The following RGL1 variants were observed in gnomAD, a reference collection of about 807,000 sequenced individuals.
RGL1 encodes ral guanine nucleotide dissociation stimulator like 1.
RGL1 carries 24 observed loss-of-function variants against 95.2 expected under a neutral mutation model. That is an observed-to-expected ratio of 0.25 (90% CI 0.18 to 0.35). The LOEUF (loss-of-function observed/expected upper bound fraction) is 0.35, where lower values mean the gene tolerates loss of function less well. Among genes scored for constraint, RGL1 ranks in the 10% least tolerant of loss-of-function variants. The pLI is 1.00. For missense variants in RGL1, 715 were observed against 936.3 expected (o/e 0.76, Z 3.08); for synonymous variants, 329 against 344.9 (o/e 0.95, Z 0.51).
At chr1:183,802,613 A>AAC (rs1178764303), upstream of RGL1, among the ~76,000 whole-genome samples, 1 of 149,872 alleles carries the variant, frequency 6.7e-6, no homozygotes, top group East Asian at 1.9e-4. Flanking sequence ...AAAAAAAAAA[A>AAC]AAAAAAAACC....
rs1272730588 is a variant in RGL1 at position 183,795,078 on chromosome 1, A to G, written c.133-11297A>G. Among the ~76,000 whole-genome samples, 3 of 152,334 alleles carry G rather than the reference A, an allele frequency of 2.0e-5. No homozygotes were observed. In the East Asian group the frequency reaches 5.8e-4, roughly 29 times the overall value. ...GAGACAGGGTCTTGCTGCATTGCCC[A>G]GGCTGGTGTTGAATTCCTGGGCTCA... On this transcript the variant is annotated intron_variant, in intron 2 of 18. Coordinates refer to the RGL1 transcript ENST00000304685.
chr1:183,692,814 A>G lies in RGL1; in HGVS notation c.-32-49312A>G, dbSNP rs911620263. ...AACAGGAAGTTTCTTGGGGTCATGG[A>G]ACTGTTCTGGATCCTGATAGCGGTG... is the stretch of plus-strand genomic sequence containing the variant. On this transcript the variant is annotated intron_variant, in intron 1 of 18. Transcript: ENST00000304685. Among the ~76,000 whole-genome samples, 5 of 152,140 alleles carry G rather than the reference A, an allele frequency of 3.3e-5. No homozygotes were observed. In the South Asian group the frequency reaches 8.3e-4, roughly 25 times the overall value.
chr1:183,684,205 C>T (rs1275784736), intron 1 of RGL1, among the ~76,000 whole-genome samples: 1 of 152,060 alleles, frequency 6.6e-6, no homozygotes, highest in East Asian at 1.9e-4. Context: ...AGTTTTGTTC[C>T]CTTGCTGGCG....
chr1:183,773,257 T>G (rs1168987148), intron 2 of RGL1, among the ~76,000 whole-genome samples: 1 of 152,168 alleles, frequency 6.6e-6, no homozygotes, highest in African/African-American at 2.4e-5. Flanking sequence ...GCATTTCCTT[T>G]ATGTACACTT....
chr1:183,747,356 T>C (rs1175073133), intron 2 of RGL1, among the ~76,000 whole-genome samples: 3 of 152,188 alleles, frequency 2.0e-5, no homozygotes, highest in African/African-American at 7.2e-5. Flanking sequence ...TTCTAACTGG[T>C]GTGAGATGGT....
In RGL1 at chr1:183,695,182, G is replaced by A. The variant is rs371707074; in HGVS notation, c.-32-46944G>A. Among the ~76,000 whole-genome samples, 32 of 152,266 alleles carry A rather than the reference G, an allele frequency of 2.1e-4. No homozygotes were observed. The East Asian group carries it at 3.3e-3, about 16-fold the overall frequency. On this transcript the variant is annotated intron_variant, in intron 1 of 18. Transcript: ENST00000304685. ...CCCCAAAAGCTTCCAGGAAAGCATC[G>A]GCTTGACAGCGAGGATGCCAAAAAG... is the stretch of plus-strand genomic sequence containing the variant.
chr1:183,778,985 G>A (rs781401497), intron 2 of RGL1, among the ~76,000 whole-genome samples: 2 of 152,100 alleles, frequency 1.3e-5, no homozygotes, highest in Admixed American at 6.6e-5. Flanking sequence ...CTGGTGCTCC[G>A]CTTAGACTTT....
chr1:183,685,198 C>G (rs1299545451), intron 1 of RGL1, among the ~76,000 whole-genome samples: 1 of 151,952 alleles, frequency 6.6e-6, no homozygotes, highest in African/African-American at 2.4e-5. Context: ...TTCTTTAACT[C>G]AAGAACTTTA....
chr1:183,754,828 A>G (rs1009493999), intron 2 of RGL1: 9 of 152,230 alleles, frequency 5.9e-5, no homozygotes, highest in Non-Finnish European at 1.3e-4. Context: ...CACAGAAAAC[A>G]AAGTTTAAAT....
intron 1 of RGL1, among the ~76,000 whole-genome samples, chr1:183,636,970 T>C (rs1445072893): frequency 6.6e-6 from 1 of 152,220 alleles, no homozygotes; most frequent in Non-Finnish European, 1.5e-5. Flanking sequence ...GTTGCCCTGT[T>C]GTGTACCACA....
At chr1:183,734,073 A>T (rs958347620) in intron 1 of RGL1, among the ~76,000 whole-genome samples, 1 of 152,208 alleles carries the variant, frequency 6.6e-6, no homozygotes, top group Admixed American at 6.5e-5. Context: ...TTGAGAACAG[A>T]TTGCTCTTTA....
chr1:183,916,661 G>T lies in RGL1; in HGVS notation c.1964G>T (p.Ser655Ile), dbSNP rs534018676. ...QNEDTCIIRI[S>I]VEDNNGNMYK... The stretch of plus-strand genomic sequence containing the variant: ...GAAGACACCTGCATAATCCGCATCA[G>T]TGTGGAAGACAATAACGGCAACATG... The change falls in exon 16 of 18, where the codon AGT becomes ATT. Residue 655 changes from serine to isoleucine, a missense_variant. Transcript: ENST00000360851. 6.2e-7 allele frequency: 1 copy of T among 1,613,784 alleles called. No homozygotes were observed. Among genetic ancestry groups the T allele is most frequent in the South Asian group, 1.1e-5 (1 of 91,070 alleles).
intron 2 of RGL1, among the ~76,000 whole-genome samples, chr1:183,836,417 ATT>A (rs530157298): frequency 6.9e-6 from 1 of 145,128 alleles, no homozygotes; most frequent in African/African-American, 2.5e-5. Context: ...CACCCAGCTA[ATT>A]TTTTTTTTTT....
intron 2 of RGL1, among the ~76,000 whole-genome samples, chr1:183,833,964 G>GTTTT (rs59912489): frequency 0.17 from 23,633 of 140,400 alleles, 2,986 homozygotes; most frequent in African/African-American, 0.34. Context: ...ATCTCTCTCT[G>GTTTT]TTTTTTTTTT....
At chr1:183,742,001 T>G (rs1217089574) in intron 1 of RGL1, 1 of 631,820 alleles carries the variant, frequency 1.6e-6, no homozygotes, top group East Asian at 2.8e-5. Context: ...TAAAAGTTGA[T>G]GCCTATTATG....
chr1:183,714,938 G>C (rs1051388538), intron 1 of RGL1, among the ~76,000 whole-genome samples: 3 of 152,096 alleles, frequency 2.0e-5, no homozygotes, highest in African/African-American at 7.2e-5. Flanking sequence ...GTGGAGTGAG[G>C]AAGCTTAGGT....
chr1:183,677,748 T>C (rs142999100), intron 1 of RGL1, among the ~76,000 whole-genome samples: 12 of 152,320 alleles, frequency 7.9e-5, no homozygotes, highest in Non-Finnish European at 1.5e-4. Flanking sequence ...TTTACACATG[T>C]ATATTCCCTG....
intron 2 of RGL1, among the ~76,000 whole-genome samples, chr1:183,760,165 T>G (rs1658581468): frequency 6.6e-6 from 1 of 152,206 alleles, no homozygotes; most frequent in Non-Finnish European, 1.5e-5. Context: ...AGTACATATC[T>G]TAATTTAAAA....
chr1:183,891,152 T>C (rs1364400185), intron 8 of RGL1, among the ~76,000 whole-genome samples: 1 of 152,214 alleles, frequency 6.6e-6, no homozygotes, highest in Non-Finnish European at 1.5e-5. Context: ...GTTTTCTTTA[T>C]TATTTAGAGT....
Sources: gnomAD v4.1 joint callset for allele counts (sites outside exome capture counted in the v4.1 genomes callset) on GRCh38, gnomAD v4.1.1 for gene constraint, MANE v1.5 for transcripts, NCBI Gene and HGNC (gene_info 2026-07-23, HGNC 2026-07-21) for gene names.